The following PDE10A variants were observed in gnomAD, a reference collection of about 807,000 sequenced individuals.
The protein encoded by PDE10A is cAMP and cAMP-inhibited cGMP 3',5'-cyclic phosphodiesterase 10A.
A neutral mutation model predicts 97.7 loss-of-function variants in PDE10A; 39 were observed. The ratio of observed to expected loss-of-function variants is 0.40; its 90% CI spans 0.31 to 0.52. The LOEUF (loss-of-function observed/expected upper bound fraction) is 0.52, where lower values mean the gene tolerates loss of function less well. Ranked by LOEUF, PDE10A falls within the 20% of genes least tolerant of loss-of-function variation. The pLI is 0.56. For missense variants in PDE10A, 731 were observed against 1,047.8 expected, an observed-to-expected ratio of 0.70 and a Z score of 4.17; for synonymous variants, 371 against 376.8, an observed-to-expected ratio of 0.98 and a Z score of 0.18.
intron 1 of PDE10A, among the ~76,000 whole-genome samples, chr6:165,764,407 T>C (rs982257817): frequency 2.0e-5 from 3 of 152,214 alleles, no homozygotes; most frequent in African/African-American, 4.8e-5. Flanking sequence ...GATAGGGCAA[T>C]ACTCTGTGAT....
At chr6:165,615,649 T>C (rs1337098576) in intron 1 of PDE10A, among the ~76,000 whole-genome samples, 3 of 152,260 alleles carry the variant, frequency 2.0e-5, no homozygotes, top group Admixed American at 2.0e-4. Flanking sequence ...GTCCTTTCTA[T>C]AAAGTAATAA....
chr6:165,426,664 A>G (rs1319950578), intron 10 of PDE10A, among the ~76,000 whole-genome samples: 6 of 152,196 alleles, frequency 3.9e-5, no homozygotes, highest in African/African-American at 1.4e-4. Flanking sequence ...AAATGACACT[A>G]TCAAGAAAGT....
At chr6:165,862,338 G>A (rs1483973019) in intron 1 of PDE10A, among the ~76,000 whole-genome samples, 2 of 152,338 alleles carry the variant, frequency 1.3e-5, no homozygotes, top group East Asian at 3.9e-4. Context: ...AATTTGAGGT[G>A]GAGAGAGGAA....
At chr6:165,959,337 G>A (rs1054651223) in intron 1 of PDE10A, among the ~76,000 whole-genome samples, 2 of 152,124 alleles carry the variant, frequency 1.3e-5, no homozygotes, top group African/African-American at 4.8e-5. Context: ...GGGCAAATGG[G>A]GAGGAAAGAA....
At chr6:165,916,708 AAAAT>A (rs756699107) in intron 1 of PDE10A, among the ~76,000 whole-genome samples, 1 of 152,242 alleles carries the variant, frequency 6.6e-6, no homozygotes, top group Non-Finnish European at 1.5e-5. Context: ...AAAGATTGTA[AAAAT>A]AAATAAACAA....
intron 2 of PDE10A, among the ~76,000 whole-genome samples, chr6:165,522,865 T>C (rs1184641429): frequency 6.6e-6 from 1 of 152,108 alleles, no homozygotes; most frequent in Admixed American, 6.6e-5. Context: ...ATTCTGTATG[T>C]AGAAAACCCT....
chr6:165,372,706 T>C (rs1784342194), intron 18 of PDE10A, among the ~76,000 whole-genome samples: 1 of 137,700 alleles, frequency 7.3e-6, no homozygotes, highest in Non-Finnish European at 1.5e-5. Flanking sequence ...AATGACTTTC[T>C]TCACAGAATT....
intron 2 of PDE10A, among the ~76,000 whole-genome samples, chr6:165,503,281 C>T (rs1398027186): frequency 1.3e-5 from 2 of 152,192 alleles, no homozygotes; most frequent in East Asian, 3.9e-4. Flanking sequence ...AAGAACTTCT[C>T]AACGTGACTC....
chr6:165,621,916 G>C (rs867077644), intron 1 of PDE10A, among the ~76,000 whole-genome samples: 12 of 152,302 alleles, frequency 7.9e-5, no homozygotes, highest in Admixed American at 2.0e-4. Context: ...ATGAGGCCCA[G>C]TTGTTTGGCC....
chr6:165,796,346 A>G (rs62427297), intron 1 of PDE10A, among the ~76,000 whole-genome samples: 1,673 of 152,148 alleles, frequency 0.011, 11 homozygotes, highest in Non-Finnish European at 0.018. Flanking sequence ...TCAGCCTCCT[A>G]AAGTGCTGGG....
chr6:165,702,058 T>C (rs1413791677), intron 1 of PDE10A, among the ~76,000 whole-genome samples: 2 of 152,020 alleles, frequency 1.3e-5, no homozygotes, highest in Non-Finnish European at 2.9e-5. Flanking sequence ...CAGGGCCAGG[T>C]CAGCTATGTT....
chr6:165,585,609 T>A (rs1317054821), intron 1 of PDE10A, among the ~76,000 whole-genome samples: 1 of 152,028 alleles, frequency 6.6e-6, no homozygotes, highest in Non-Finnish European at 1.5e-5. Flanking sequence ...CACCAGAAGC[T>A]GGAATAGGCA....
At chr6:165,806,656 C>CT (rs200468205) in intron 1 of PDE10A, among the ~76,000 whole-genome samples, 4 of 151,430 alleles carry the variant, frequency 2.6e-5, no homozygotes, top group East Asian at 1.9e-4. Flanking sequence ...AGCGCCCCCC[C>CT]CCAGGCTCTT....
At chr6:165,361,873 A>G (rs1783449920) in intron 18 of PDE10A, among the ~76,000 whole-genome samples, 1 of 152,212 alleles carries the variant, frequency 6.6e-6, no homozygotes, top group South Asian at 2.1e-4. Context: ...ATAAATTTCT[A>G]TTGTTTTAAG....
chr6:165,748,733 G>T (rs903431421), intron 1 of PDE10A, among the ~76,000 whole-genome samples: 1 of 152,138 alleles, frequency 6.6e-6, no homozygotes, highest in African/African-American at 2.4e-5. Context: ...AAAATCAGGT[G>T]AACAGAAATG....
rs193169056 is a variant in PDE10A, at chr6:165,559,875, G to A, written c.866-16307C>T. The stretch of plus-strand genomic sequence containing the variant: ...TTCTCTTTCATTCTCTCTTGCCGCC[G>A]CCATGTAAAAAGTGCCTTTCACCTT... On this transcript the variant is annotated intron_variant, in intron 1 of 21. Transcript: ENST00000539869. Among the ~76,000 whole-genome samples, 179 of 152,220 alleles carry A rather than the reference G, an allele frequency of 1.2e-3. 1 individual carries two copies. Among genetic ancestry groups the A allele is most frequent in the Non-Finnish European group, 8.5e-4 (58 of 68,010 alleles).
intron 1 of PDE10A, among the ~76,000 whole-genome samples, chr6:165,568,139 C>T (rs1203007061): frequency 6.6e-6 from 1 of 151,470 alleles, no homozygotes; most frequent in Non-Finnish European, 1.5e-5. Flanking sequence ...GCTGGGACTA[C>T]AAGCGCCCGC....
At chr6:165,477,868 G>T (rs753617647) in intron 3 of PDE10A, among the ~76,000 whole-genome samples, 18 of 152,090 alleles carry the variant, frequency 1.2e-4, no homozygotes, top group Non-Finnish European at 2.4e-4. Flanking sequence ...CAAACTTTTT[G>T]GTCTCCTCTG....
intron 1 of PDE10A, among the ~76,000 whole-genome samples, chr6:165,973,472 ATATGTTT>A: frequency 6.6e-6 from 1 of 152,266 alleles, no homozygotes. Context: ...GGATCCCTGC[ATATGTTT>A]TGTGAGTGAA....
Sources: gnomAD v4.1 joint callset for allele counts (sites outside exome capture counted in the v4.1 genomes callset) on GRCh38, gnomAD v4.1.1 for gene constraint, MANE v1.5 for transcripts, NCBI Gene and HGNC (gene_info 2026-07-23, HGNC 2026-07-21) for gene names.